Variants in PCDHGB5 observed in about 807,000 individuals in gnomAD.
PCDHGB5 encodes the protein protocadherin gamma-B5.
Under a neutral mutation model 62.9 loss-of-function variants are expected in PCDHGB5, and 48 were observed. That is an observed-to-expected ratio of 0.76 (90% CI 0.61 to 0.97). The LOEUF (loss-of-function observed/expected upper bound fraction) is 0.97. Ranked by LOEUF, PCDHGB5 falls within the 50% of genes least tolerant of loss-of-function variation. PCDHGB5 has a pLI of 0.00. For missense variants in PCDHGB5, 1,118 were observed against 1,198.6 expected (o/e 0.93, Z 0.99); for synonymous variants, 474 against 511.2 (o/e 0.93, Z 0.98).
intron 2 of PCDHGB5, among the ~76,000 whole-genome samples, chr5:141,495,094 C>T (rs1470702358): frequency 6.6e-6 from 1 of 152,156 alleles, no homozygotes; most frequent in African/African-American, 2.4e-5. Flanking sequence ...CTTCCCTCCT[C>T]GCCACGACCG....
intron 1 of PCDHGB5, among the ~76,000 whole-genome samples, chr5:141,469,206 A>T (rs752389937): frequency 6.6e-6 from 1 of 150,920 alleles, no homozygotes; most frequent in African/African-American, 2.4e-5. Flanking sequence ...AGCCTTTTGA[A>T]GTTGAGGCTT....
chr5:141,469,855 G>T (rs1272105046), intron 1 of PCDHGB5, among the ~76,000 whole-genome samples: 4 of 152,186 alleles, frequency 2.6e-5, no homozygotes, highest in Non-Finnish European at 4.4e-5. Flanking sequence ...TTCAGACCGG[G>T]TGCAATGGCT....
chr5:141,429,858 A>T (rs1183727412), intron 1 of PCDHGB5, among the ~76,000 whole-genome samples: 1 of 152,192 alleles, frequency 6.6e-6, no homozygotes, highest in East Asian at 1.9e-4. Context: ...CATTCTTTGG[A>T]CTACCAATTT....
In PCDHGB5 at chr5:141,398,980, G is replaced by T; in HGVS notation, c.853G>T (p.Gly285Trp). The T allele has an allele frequency of 6.2e-7, 1 of 1,613,860 alleles. No individual in the cohort carries two copies. The highest frequency in any genetic ancestry group is 8.5e-7 in the Non-Finnish European group (1 of 1,179,890). Residue 285 changes from glycine (G) to tryptophan (W), a missense_variant, in exon 1 of 4, where the codon GGG becomes TGG. This residue lies in a region of PCDHGB5 where 1,034 missense variants were observed against 1,029.1 expected (regional missense o/e 1.00). Transcript: ENST00000617380. ...AATTACTTATTCCTTCTACAGAACC[G>T]GGCAAATCTTTAGTCTGAATTCAAA... ...SEITYSFYRT[G>W]QIFSLNSKSG...
At chr5:141,501,288 T>TATACAC (rs201660636) in intron 2 of PCDHGB5, among the ~76,000 whole-genome samples, 3,536 of 81,176 alleles carry the variant, frequency 0.044, 56 homozygotes, top group Admixed American at 0.065. Flanking sequence ...GATATTCCCT[T>TATACAC]ATACACACAC....
chr5:141,468,549 C>T (rs1289802190), intron 1 of PCDHGB5: 2 of 151,940 alleles, frequency 1.3e-5, no homozygotes, highest in Non-Finnish European at 2.9e-5. Flanking sequence ...ACATATTTAA[C>T]ATTTGTGATA....
intron 1 of PCDHGB5, chr5:141,430,569 G>A (rs1252716330): frequency 4.5e-6 from 2 of 439,930 alleles, no homozygotes; most frequent in African/African-American, 4.1e-5. Flanking sequence ...GGAGAGAAAA[G>A]CGGAGATCCT....
rs1191643556 is a variant in PCDHGB5, at chr5:141,486,302, C to T, written c.2398-8505C>T. The T allele has an allele frequency of 2.5e-6, 4 of 1,613,918 alleles. No individual in the cohort carries two copies. The highest frequency in any genetic ancestry group is 3.4e-6 in the Non-Finnish European group (4 of 1,180,002). Reference sequence around the variant, plus strand: ...GGTGGCACTTATCAGTGTGCAGGATCCAGACTCAGGGTCAAACGGAGATGT... The same window carrying T: ...GGTGGCACTTATCAGTGTGCAGGATTCAGACTCAGGGTCAAACGGAGATGT... On this transcript the variant is annotated intron_variant, in intron 1 of 3. Coordinates refer to ENST00000617380, the MANE Select transcript of PCDHGB5 (RefSeq NM_018925.3). This position sits in a 1 kb window ranked among gnomAD's most constrained non-coding sequence, Gnocchi z 5.0.
At chr5:141,450,829 A>T (rs187691791) in intron 1 of PCDHGB5, among the ~76,000 whole-genome samples, 19,077 of 135,014 alleles carry the variant, frequency 0.14, 1,595 homozygotes, top group African/African-American at 0.24. Context: ...TATTATTATT[A>T]TTTTTTTTTT....
At chr5:141,446,401 T>C (rs1321106896) in intron 1 of PCDHGB5, among the ~76,000 whole-genome samples, 1 of 152,166 alleles carries the variant, frequency 6.6e-6, no homozygotes, top group African/African-American at 2.4e-5. Context: ...AGAAATCGAG[T>C]TGAGTTCCAG....
At position 141,431,555 on chromosome 5, in the gene PCDHGB5, G is replaced by A. The variant is rs2097394199; in HGVS notation, c.2397+31031G>A. On this transcript the variant is annotated intron_variant, in intron 1 of 3. Transcript: ENST00000617380. This position sits in a 1 kb window ranked among gnomAD's most constrained non-coding sequence, Gnocchi z 4.8. The stretch of plus-strand genomic sequence containing the variant: ...GGGCACGCAGCTGCTTGTAGTCAAC[G>A]CTACCGACCCTGACGAAGGAGTCAA... 1 of 1,614,014 alleles carries A rather than the reference G, an allele frequency of 6.2e-7. No individual in the cohort carries two copies. The highest frequency in any genetic ancestry group is 8.5e-7 in the Non-Finnish European group (1 of 1,180,032).
intron 3 of PCDHGB5, among the ~76,000 whole-genome samples, chr5:141,507,518 A>T (rs1323767789): frequency 6.6e-6 from 1 of 152,132 alleles, no homozygotes; most frequent in African/African-American, 2.4e-5. Flanking sequence ...TGGGGCTATG[A>T]TTCCAGAGAG....
intron 1 of PCDHGB5, chr5:141,409,008 A>G (rs2095209237): frequency 6.2e-7 from 1 of 1,613,898 alleles, no homozygotes; most frequent in African/African-American, 1.3e-5. Context: ...GCCACTGACC[A>G]GGATGAGGGG....
chr5:141,505,891 G>A (rs541853565), intron 3 of PCDHGB5, among the ~76,000 whole-genome samples: 9 of 152,288 alleles, frequency 5.9e-5, no homozygotes, highest in Admixed American at 5.9e-4. Context: ...GATTAAATGA[G>A]ATGATACCAC....
intron 1 of PCDHGB5, chr5:141,400,748 C>A: frequency 5.0e-6 from 3 of 604,576 alleles, no homozygotes; most frequent in Non-Finnish European, 8.6e-6. Context: ...TTGCTCTTAG[C>A]TTCCTCTCTA....
intron 1 of PCDHGB5, among the ~76,000 whole-genome samples, chr5:141,401,128 G>C (rs1271194736): frequency 6.6e-6 from 1 of 152,166 alleles, no homozygotes; most frequent in African/African-American, 2.4e-5. Context: ...TGGATCACAT[G>C]GTCAGGAGTT....
At chr5:141,418,974 G>A in intron 1 of PCDHGB5, 2 of 1,613,936 alleles carry the variant, frequency 1.2e-6, no homozygotes, top group Non-Finnish European at 1.7e-6. Context: ...TTCAAAACAC[G>A]GGACCAAGAC....
At chr5:141,407,851 C>T (rs2094989102) in intron 1 of PCDHGB5, among the ~76,000 whole-genome samples, 1 of 152,194 alleles carries the variant, frequency 6.6e-6, no homozygotes, top group Non-Finnish European at 1.5e-5. Flanking sequence ...GGGGGATGTA[C>T]ACCTGCATTT....
intron 1 of PCDHGB5, among the ~76,000 whole-genome samples, chr5:141,460,793 A>T (rs954317795): frequency 2.0e-4 from 30 of 152,024 alleles, no homozygotes; most frequent in Non-Finnish European, 2.9e-5. Flanking sequence ...TATACACACA[A>T]AGTATATATA....
Sources: allele counts gnomAD v4.1 joint callset (sites outside exome capture counted in the v4.1 genomes callset), GRCh38; gene constraint gnomAD v4.1.1; regional missense constraint gnomAD v4.1.1; non-coding constraint Gnocchi (gnomAD v3.1); transcripts MANE v1.5; gene names NCBI Gene and HGNC (gene_info 2026-07-23, HGNC 2026-07-21).